MYO3A: variants seen among roughly 807,000 people sequenced by gnomAD.
The protein encoded by MYO3A is myosin-IIIa.
Under a neutral mutation model 192.7 loss-of-function variants are expected in MYO3A, and 180 were observed. The observed-to-expected ratio is 0.93, with a 90% CI of 0.83 to 1.06. The LOEUF (loss-of-function observed/expected upper bound fraction) is 1.06, where lower values mean the gene tolerates loss of function less well. Ranked by LOEUF, MYO3A falls within the 50% of genes least tolerant of loss-of-function variation. The pLI, the probability that MYO3A is intolerant of heterozygous loss-of-function variation, is 0.00. For missense variants in MYO3A, 1,896 were observed against 1,905.0 expected, an observed-to-expected ratio of 1.00 and a Z score of 0.09; for synonymous variants, 628 against 645.3, an observed-to-expected ratio of 0.97 and a Z score of 0.41.
chr10:26,137,032 A>AC (rs949688929), intron 20 of MYO3A, among the ~76,000 whole-genome samples: 19 of 149,918 alleles, frequency 1.3e-4, no homozygotes, highest in African/African-American at 4.6e-4. Context: ...AACAAAACAA[A>AC]AAAAAAAGAC....
intron 4 of MYO3A, among the ~76,000 whole-genome samples, chr10:25,973,689 G>T (rs1325743486): frequency 6.6e-6 from 1 of 151,934 alleles, no homozygotes; most frequent in Admixed American, 6.6e-5. Flanking sequence ...TTAACATGAG[G>T]GGATGTTGAA....
intron 6 of MYO3A, among the ~76,000 whole-genome samples, chr10:26,016,111 A>G (rs1386436300): frequency 6.6e-6 from 1 of 152,126 alleles, no homozygotes; most frequent in Admixed American, 6.6e-5. Flanking sequence ...GAGAAAAGAA[A>G]CTGTACTCCT....
rs778010351 is a variant in MYO3A at position 26,193,201 on chromosome 10, A to T, written c.4439-4A>T. On this transcript the variant is annotated splice_region_variant and splice_polypyrimidine_tract_variant and intron_variant, in intron 31 of 34. Coordinates refer to ENST00000642920, the MANE Select transcript of MYO3A (RefSeq NM_017433.5). ...ATACTTGTTTATGATCACCTTTCTTATAGGTGTCTGTAAAGGAGAGGAGCC... is the reference window on the plus strand; with the variant it reads ...ATACTTGTTTATGATCACCTTTCTTTTAGGTGTCTGTAAAGGAGAGGAGCC... 3 of 1,598,900 alleles carry T rather than the reference A, an allele frequency of 1.9e-6. No homozygotes were observed.
At chr10:26,098,264 A>G (rs962836708) in intron 17 of MYO3A, among the ~76,000 whole-genome samples, 6 of 151,756 alleles carry the variant, frequency 4.0e-5, no homozygotes, top group African/African-American at 1.5e-4. Context: ...GGGTTGTTTG[A>G]TTTTTTCTTG....
chr10:25,947,349 G>GAA, intron 2 of MYO3A, among the ~76,000 whole-genome samples: 1 of 144,966 alleles, frequency 6.9e-6, no homozygotes, highest in African/African-American at 2.6e-5. Context: ...TCTATTCTCT[G>GAA]AAAAAAAATG....
intron 14 of MYO3A, among the ~76,000 whole-genome samples, chr10:26,080,821 T>A (rs1037001058): frequency 1.3e-5 from 2 of 152,146 alleles, no homozygotes; most frequent in Non-Finnish European, 2.9e-5. Context: ...TTGTTTTCTC[T>A]CTTCTGGGTC....
At chr10:25,949,059 T>A (rs1012080023) in intron 2 of MYO3A, among the ~76,000 whole-genome samples, 6 of 152,268 alleles carry the variant, frequency 3.9e-5, no homozygotes, top group Middle Eastern at 3.4e-3. Flanking sequence ...TTTCTGAATC[T>A]TTTCCTGGTC....
chr10:26,168,717 C>A lies in MYO3A; in HGVS notation c.3117C>A (p.Phe1039Leu), dbSNP rs1841889629. 4 of 1,612,410 alleles carry A rather than the reference C, an allele frequency of 2.5e-6. No homozygotes were observed. Among genetic ancestry groups the A allele is most frequent in the Non-Finnish European group, 3.4e-6 (4 of 1,179,378 alleles). Reference sequence around the variant, plus strand: ...ATTATATTTTAATTTTTCAGGTGTTCCTTAAGTATTATCACGTGGAGCAGT... The same window carrying A: ...ATTATATTTTAATTTTTCAGGTGTTACTTAAGTATTATCACGTGGAGCAGT... ...DNWALGKTKV[F>L]LKYYHVEQLN... The change falls in exon 28 of 35, where the codon TTC becomes TTA. Residue 1039 changes from phenylalanine to leucine, a missense_variant. Physicochemically the swap from Phe to Leu is conservative, Grantham distance 22. Transcript: ENST00000642920.
chr10:25,993,645 C>T (rs1483183051), intron 4 of MYO3A, among the ~76,000 whole-genome samples: 2 of 152,136 alleles, frequency 1.3e-5, no homozygotes, highest in Non-Finnish European at 2.9e-5. Flanking sequence ...CTCTTGTGGG[C>T]ATTTAGTGCT....
intron 6 of MYO3A, among the ~76,000 whole-genome samples, chr10:26,009,305 C>G (rs1311601929): frequency 1.3e-5 from 2 of 152,048 alleles, no homozygotes; most frequent in African/African-American, 4.8e-5. Context: ...TGCAGCACAC[C>G]AGCACCAGCA....
At chr10:25,987,228 T>G (rs1451702610) in intron 4 of MYO3A, among the ~76,000 whole-genome samples, 1 of 152,160 alleles carries the variant, frequency 6.6e-6, no homozygotes, top group Non-Finnish European at 1.5e-5. Context: ...GATCAAAGAC[T>G]TAAATGTAAA....
At chr10:26,089,588 G>A (rs1011937073) in intron 15 of MYO3A, among the ~76,000 whole-genome samples, 1 of 150,048 alleles carries the variant, frequency 6.7e-6, no homozygotes, top group Non-Finnish European at 1.5e-5. Flanking sequence ...GTGACAGAGC[G>A]AGACTCCATC....
At chr10:25,958,638 G>A (rs1837719527) in intron 4 of MYO3A, among the ~76,000 whole-genome samples, 1 of 152,112 alleles carries the variant, frequency 6.6e-6, no homozygotes, top group African/African-American at 2.4e-5. Context: ...AATGTCATTG[G>A]TAGTTTGATA....
chr10:25,984,324 A>G (rs1839512660), intron 4 of MYO3A, among the ~76,000 whole-genome samples: 1 of 152,224 alleles, frequency 6.6e-6, no homozygotes, highest in Non-Finnish European at 1.5e-5. Flanking sequence ...GAGTGACAGA[A>G]TGGATAAGAA....
In MYO3A at chr10:26,024,002, A is replaced by T; in HGVS notation, c.732-20A>T. On this transcript the variant is annotated intron_variant, in intron 8 of 34. Transcript: ENST00000642920. ...GACTGACCAATATACAGAATCCAAC[A>T]TTGATTCTTATTTTTCTAGGAATCC... is the stretch of plus-strand genomic sequence containing the variant. 6.2e-7 allele frequency: 1 copy of T among 1,603,544 alleles called. No homozygotes were observed. Among genetic ancestry groups the T allele is most frequent in the Non-Finnish European group, 8.5e-7 (1 of 1,170,718 alleles).
intron 17 of MYO3A, among the ~76,000 whole-genome samples, chr10:26,117,770 C>G (rs1838603395): frequency 6.6e-6 from 1 of 152,092 alleles, no homozygotes; most frequent in Non-Finnish European, 1.5e-5. Context: ...GATTCCATGT[C>G]TTTGCTATTG....
rs1188304439 is a variant in MYO3A at position 26,018,062 on chromosome 10, A to C, written c.585+1166A>C. ...CTTTATGGGTTTTGTATGTTTATTT[A>C]TTATAACAAGCCATTATTCAATATT... On this transcript the variant is annotated intron_variant, in intron 7 of 34. Coordinates refer to ENST00000642920, the MANE Select transcript of MYO3A (RefSeq NM_017433.5). 2.0e-5 allele frequency among the ~76,000 whole-genome samples: 3 copies of C among 151,234 alleles called. No individual in the cohort carries two copies. The East Asian group carries it at 5.8e-4, about 29-fold the overall frequency.
chr10:26,088,078 A>T, intron 14 of MYO3A, 125 bp from the exon 15 acceptor site: 1 of 754,912 alleles, frequency 1.3e-6, no homozygotes, highest in Non-Finnish European at 2.1e-6. Flanking sequence ...ACATCTGCCA[A>T]TATATCAGGA....
At chr10:26,192,071 G>C (rs115856580) in intron 31 of MYO3A, among the ~76,000 whole-genome samples, 2,179 of 152,256 alleles carry the variant, frequency 0.014, 46 homozygotes, top group African/African-American at 0.049. Context: ...GTCGGTGGAT[G>C]GGGTGGTCAA....
Sources: allele counts gnomAD v4.1 joint callset (sites outside exome capture counted in the v4.1 genomes callset), GRCh38; gene constraint gnomAD v4.1.1; transcripts MANE v1.5; gene names NCBI Gene and HGNC (gene_info 2026-07-23, HGNC 2026-07-21).